Variants in DZIP3 observed in about 807,000 individuals in gnomAD.
The protein encoded by DZIP3 is DAZ interacting zinc finger protein 3.
In DZIP3, 118 loss-of-function variants were observed where a neutral mutation model predicts 162.0. The ratio of observed to expected loss-of-function variants is 0.73; its 90% CI spans 0.63 to 0.85. The LOEUF is 0.85. Ranked by LOEUF, DZIP3 falls within the 40% of genes least tolerant of loss-of-function variation. The pLI, the probability that DZIP3 is intolerant of heterozygous loss-of-function variation, is 0.00. For synonymous variants in DZIP3, 438 were observed against 458.6 expected, an observed-to-expected ratio of 0.96 and a Z score of 0.57; for missense variants, 1,331 against 1,407.0, an observed-to-expected ratio of 0.95 and a Z score of 0.86.
Position 108,661,574 on chromosome 3 carries a change from A to T in DZIP3, c.2200-303A>T, listed in dbSNP as rs59565817. 6.9e-3 allele frequency among the ~76,000 whole-genome samples: 1,046 copies of T among 152,284 alleles called. 5 individuals are homozygous for T. The highest frequency in any genetic ancestry group is 0.024 in the African/African-American group (986 of 41,558). On this transcript the variant is annotated intron_variant, in intron 19 of 32. Coordinates refer to ENST00000361582, the MANE Select transcript of DZIP3 (RefSeq NM_014648.4). ...TGGGTGCAGCACACCAACATGGCAC[A>T]TGTATACATATGTAACAAACCTGCA...
chr3:108,626,970 T>A (rs755863724), intron 7 of DZIP3, among the ~76,000 whole-genome samples: 4 of 152,212 alleles, frequency 2.6e-5, no homozygotes, highest in South Asian at 2.1e-4. Flanking sequence ...TATGTGGTAG[T>A]TCCCTGATTC....
chr3:108,632,230 G>C (rs1246525395), intron 8 of DZIP3, among the ~76,000 whole-genome samples: 1 of 151,970 alleles, frequency 6.6e-6, no homozygotes, highest in African/African-American at 2.4e-5. Context: ...TTTGTTATTT[G>C]TTTTATTCTA....
intron 26 of DZIP3, among the ~76,000 whole-genome samples, chr3:108,682,912 AGT>A (rs903525489): frequency 6.6e-6 from 1 of 150,806 alleles, no homozygotes; most frequent in Non-Finnish European, 1.5e-5. Flanking sequence ...ATAAAAATAA[AGT>A]GTTAGGTAAT....
chr3:108,623,613 G>C (rs1413268830), intron 5 of DZIP3, among the ~76,000 whole-genome samples: 2 of 152,170 alleles, frequency 1.3e-5, no homozygotes, highest in Non-Finnish European at 2.9e-5. Flanking sequence ...AGTTGGAGGG[G>C]TGACATAAGC....
At chr3:108,636,186 G>C (rs1942140374) in intron 10 of DZIP3, among the ~76,000 whole-genome samples, 1 of 151,818 alleles carries the variant, frequency 6.6e-6, no homozygotes, top group Non-Finnish European at 1.5e-5. Context: ...ATTTTAGAAA[G>C]AGAAGTAAAA....
At chr3:108,608,042 C>CT (rs1940478538) in intron 2 of DZIP3, 47 bp from the exon 3 acceptor site, 14 of 1,471,574 alleles carry the variant, frequency 9.5e-6, no homozygotes, top group Non-Finnish European at 1.3e-5. Flanking sequence ...AATTTGTGTT[C>CT]TTTGTGAGAA....
chr3:108,661,703 A>C (rs1943444000), intron 19 of DZIP3, among the ~76,000 whole-genome samples, 174 bp from the exon 20 acceptor site: 1 of 152,200 alleles, frequency 6.6e-6, no homozygotes, highest in Non-Finnish European at 1.5e-5. Context: ...CAGGCAAGTA[A>C]CTGGTACTGT....
chr3:108,609,832 C>G (rs747660675), intron 3 of DZIP3, among the ~76,000 whole-genome samples: 1 of 152,100 alleles, frequency 6.6e-6, no homozygotes, highest in Non-Finnish European at 1.5e-5. Context: ...CAAAGCAAGA[C>G]GCTGTAGGCA....
intron 13 of DZIP3, among the ~76,000 whole-genome samples, chr3:108,642,805 GTTCC>G (rs1356706977): frequency 6.6e-6 from 1 of 152,148 alleles, no homozygotes; most frequent in African/African-American, 2.4e-5. Context: ...TCTACCAACT[GTTCC>G]TTCCCTTGCT....
intron 1 of DZIP3, among the ~76,000 whole-genome samples, chr3:108,603,961 C>A (rs1940178620): frequency 6.6e-6 from 1 of 152,226 alleles, no homozygotes; most frequent in East Asian, 1.9e-4. Flanking sequence ...TTTACTTCTT[C>A]CTGTCTGTGG....
chr3:108,650,067 A>C (rs1451088332), intron 17 of DZIP3, among the ~76,000 whole-genome samples: 1 of 151,812 alleles, frequency 6.6e-6, no homozygotes, highest in Non-Finnish European at 1.5e-5. Flanking sequence ...TCAAACCACC[A>C]AACTAAGTTG....
intron 27 of DZIP3, 142 bp from the exon 28 acceptor site, chr3:108,686,303 C>A: frequency 1.3e-6 from 1 of 796,014 alleles, no homozygotes; most frequent in Non-Finnish European, 1.8e-6. Context: ...TAGTTACAAA[C>A]AATTAGAAAT....
Position 108,617,149 on chromosome 3 carries a change from A to G in DZIP3, c.375+492A>G, listed in dbSNP as rs76041929. Among the ~76,000 whole-genome samples the G allele has an allele frequency of 3.3e-4, 50 of 152,320 alleles. 2 individuals are homozygous for G. In the East Asian group the frequency reaches 9.4e-3, roughly 29 times the overall value. ...GAAGAGATGTTGGTCAAAAGATACA[A>G]AATTTCAGTTAGATGTGAAGAATAA... On this transcript the variant is annotated intron_variant, in intron 5 of 32. Coordinates refer to ENST00000361582, the MANE Select transcript of DZIP3 (RefSeq NM_014648.4).
chr3:108,635,036 C>A, intron 10 of DZIP3, 64 bp downstream of exon 10: 1 of 1,004,044 alleles, frequency 1.0e-6, no homozygotes, highest in Non-Finnish European at 1.5e-6. Flanking sequence ...CTTTTGTTCT[C>A]TTCCCCATCG....
intron 8 of DZIP3, among the ~76,000 whole-genome samples, chr3:108,632,398 T>C (rs1044773423): frequency 1.3e-5 from 2 of 152,148 alleles, no homozygotes; most frequent in Non-Finnish European, 2.9e-5. Context: ...AGCCACCACT[T>C]CTGGCCATTT....
Position 108,603,415 on chromosome 3 carries a change from TCTGCTTCGTTATTAG to T in DZIP3, c.-72-1916_-72-1902del, listed in dbSNP as rs548310777. On this transcript the variant is annotated intron_variant, in intron 1 of 32. Coordinates refer to ENST00000361582, the MANE Select transcript of DZIP3 (RefSeq NM_014648.4). ...TGAATGACAAGGTTTATTCAACCTC[TCTGCTTCGTTATTAG>T]CTGTAGTTTGTATCTTTCATCAGTA... Among the ~76,000 whole-genome samples the T allele has an allele frequency of 5.3e-3, 803 of 152,322 alleles. 6 individuals are homozygous for T. Among genetic ancestry groups the T allele is most frequent in the African/African-American group, 0.019 (774 of 41,580 alleles).
chr3:108,631,093 T>TCTCTCTCTCC, intron 8 of DZIP3, among the ~76,000 whole-genome samples: 1 of 144,720 alleles, frequency 6.9e-6, no homozygotes, highest in Non-Finnish European at 1.5e-5. Flanking sequence ...TCTCTCTCTC[T>TCTCTCTCTCC]CCTATCCTAC....
At chr3:108,640,443 C>T (rs1388889641) in intron 12 of DZIP3, among the ~76,000 whole-genome samples, 3 of 101,596 alleles carry the variant, frequency 3.0e-5, no homozygotes, top group African/African-American at 1.2e-4. Flanking sequence ...TCTTATTTAA[C>T]ATCCTTTTTT....
chr3:108,660,574 A>G (rs1472873758), intron 19 of DZIP3, among the ~76,000 whole-genome samples: 3 of 152,078 alleles, frequency 2.0e-5, no homozygotes, highest in Admixed American at 6.5e-5. Flanking sequence ...GGACATAGGC[A>G]TGGGCAAGGA....
Sources: allele counts gnomAD v4.1 joint callset (sites outside exome capture counted in the v4.1 genomes callset), GRCh38; gene constraint gnomAD v4.1.1; transcripts MANE v1.5; gene names NCBI Gene and HGNC (gene_info 2026-07-23, HGNC 2026-07-21).